The following WDPCP variants were observed in gnomAD, a reference collection of about 807,000 sequenced individuals.
WDPCP encodes WD repeat-containing and planar cell polarity effector protein fritz homolog.
A neutral mutation model predicts 93.1 loss-of-function variants in WDPCP; 71 were observed. That is an observed-to-expected ratio of 0.76 (90% confidence interval 0.63 to 0.93). The LOEUF (loss-of-function observed/expected upper bound fraction) is 0.93. Among genes scored for constraint, WDPCP ranks in the 40% least tolerant of loss-of-function variants. The probability of loss-of-function intolerance (pLI) is 0.00; values close to 1 mark genes in which losing one functional copy is unlikely to be tolerated. For missense variants in WDPCP, 844 were observed against 887.4 expected (o/e 0.95, Z 0.62); for synonymous variants, 315 against 315.0 (o/e 1.00, Z 0.00).
intron 13 of WDPCP, among the ~76,000 whole-genome samples, chr2:63,274,068 G>C (rs1321822503): frequency 1.3e-5 from 2 of 151,974 alleles, no homozygotes; most frequent in African/African-American, 4.8e-5. Flanking sequence ...GTCAGCACGT[G>C]GAATATTCTC....
chr2:63,456,434 A>G (rs924704602), intron 6 of WDPCP, among the ~76,000 whole-genome samples: 1 of 152,026 alleles, frequency 6.6e-6, no homozygotes, highest in Non-Finnish European at 1.5e-5. Flanking sequence ...TAAATAAATA[A>G]TAAATGAATA....
At chr2:63,617,932 C>A (rs262493) in intron 3 of WDPCP, among the ~76,000 whole-genome samples, 122,250 of 152,188 alleles carry the variant, frequency 0.8, 49,772 homozygotes, top group East Asian at 0.98. Context: ...AATACAAACA[C>A]TTATCTTGAA....
chr2:63,150,163 A>G (rs1317022877), intron 17 of WDPCP, among the ~76,000 whole-genome samples: 1 of 152,154 alleles, frequency 6.6e-6, no homozygotes, highest in African/African-American at 2.4e-5. Flanking sequence ...GGTAATGTTA[A>G]TGATTTTTCT....
chr2:63,174,885 C>T, intron 14 of WDPCP, 53 bp from the exon 15 acceptor site: 2 of 1,573,862 alleles, frequency 1.3e-6, no homozygotes, highest in Admixed American at 3.3e-5. Flanking sequence ...TTTCTGCTAA[C>T]TCCCTTATAA....
chr2:63,525,938 T>C (rs1430331711), intron 1 of WDPCP, among the ~76,000 whole-genome samples: 1 of 152,238 alleles, frequency 6.6e-6, no homozygotes, highest in Non-Finnish European at 1.5e-5. Context: ...CAGGTTATGC[T>C]TTCCTCAGGT....
chr2:63,206,909 C>G (rs760084950), intron 14 of WDPCP, among the ~76,000 whole-genome samples: 1 of 152,140 alleles, frequency 6.6e-6, no homozygotes, highest in Non-Finnish European at 1.5e-5. Flanking sequence ...TGACTATACT[C>G]ACATTGATGG....
At chr2:63,202,862 G>A (rs1237593464) in intron 14 of WDPCP, among the ~76,000 whole-genome samples, 3 of 151,808 alleles carry the variant, frequency 2.0e-5, no homozygotes, top group Non-Finnish European at 4.4e-5. Flanking sequence ...TCCCTTGTCT[G>A]TGTATCTATC....
At chr2:63,239,178 G>T (rs1357895597) in intron 14 of WDPCP, among the ~76,000 whole-genome samples, 1 of 152,170 alleles carries the variant, frequency 6.6e-6, no homozygotes, top group Non-Finnish European at 1.5e-5. Flanking sequence ...TAGCAAAAAA[G>T]TATTATAGGA....
At chr2:63,726,026 G>A (rs1464706590) in intron 2 of WDPCP, among the ~76,000 whole-genome samples, 5 of 152,080 alleles carry the variant, frequency 3.3e-5, no homozygotes, top group Non-Finnish European at 7.4e-5. Context: ...CTCTTGCTGT[G>A]CAGAAGCTCT....
At chr2:63,759,337 C>CA (rs1670018682) in intron 2 of WDPCP, among the ~76,000 whole-genome samples, 1 of 152,104 alleles carries the variant, frequency 6.6e-6, no homozygotes, top group African/African-American at 2.4e-5. Context: ...AGTAAGCTGG[C>CA]ATGGAAAGTC....
intron 14 of WDPCP, among the ~76,000 whole-genome samples, chr2:63,187,412 C>T (rs1191841553): frequency 6.6e-6 from 1 of 152,092 alleles, no homozygotes; most frequent in Non-Finnish European, 1.5e-5. Context: ...TTACCTGTTT[C>T]CTGTATATCT....
chr2:63,275,941 G>C (rs1036350070), intron 13 of WDPCP, among the ~76,000 whole-genome samples: 7 of 56,102 alleles, frequency 1.2e-4, no homozygotes, highest in African/African-American at 1.1e-3. Context: ...AGAAAGCTGA[G>C]AGAATCCATA....
chr2:63,129,459 T>C (rs1260526906), intron 17 of WDPCP, among the ~76,000 whole-genome samples: 1 of 152,276 alleles, frequency 6.6e-6, no homozygotes, highest in Admixed American at 6.5e-5. Context: ...TGTTTTTTGA[T>C]AATGGCCATC....
chr2:63,586,351 A>T (rs974230525), intron 1 of WDPCP, among the ~76,000 whole-genome samples: 1 of 152,242 alleles, frequency 6.6e-6, no homozygotes, highest in Non-Finnish European at 1.5e-5. Flanking sequence ...AATGTTAAGC[A>T]TAACTCCAAA....
At chr2:63,406,817 T>C (rs1460918734) in intron 9 of WDPCP, among the ~76,000 whole-genome samples, 1 of 152,180 alleles carries the variant, frequency 6.6e-6, no homozygotes, top group Non-Finnish European at 1.5e-5. Context: ...TAGACACTTG[T>C]CACATGAGGG....
intron 3 of WDPCP, chr2:63,622,898 G>C (rs1392447664): frequency 7.3e-7 from 1 of 1,378,818 alleles, no homozygotes; most frequent in Non-Finnish European, 1.0e-6. Flanking sequence ...AGGCACGCGG[G>C]GGCCGGGCCA....
intron 1 of WDPCP, among the ~76,000 whole-genome samples, chr2:63,563,171 C>T (rs1295219401): frequency 6.6e-6 from 1 of 152,064 alleles, no homozygotes; most frequent in African/African-American, 2.4e-5. Flanking sequence ...GCATATACGA[C>T]AGTTTTAACA....
intron 2 of WDPCP, among the ~76,000 whole-genome samples, chr2:63,707,808 G>A (rs1669189888): frequency 6.6e-6 from 1 of 152,196 alleles, no homozygotes; most frequent in African/African-American, 2.4e-5. Context: ...GGTTTTTGGT[G>A]TGGATGTGCT....
intron 2 of WDPCP, among the ~76,000 whole-genome samples, chr2:63,775,227 G>T (rs1670284682): frequency 6.6e-6 from 1 of 152,186 alleles, no homozygotes; most frequent in African/African-American, 2.4e-5. Context: ...AGTCCAGATA[G>T]TCTTAAGTAC....
Sources: allele counts gnomAD v4.1 joint callset (sites outside exome capture counted in the v4.1 genomes callset), GRCh38; gene constraint gnomAD v4.1.1; transcripts MANE v1.5; gene names NCBI Gene and HGNC (gene_info 2026-07-23, HGNC 2026-07-21).